TRIP11: variants seen among roughly 807,000 people sequenced by gnomAD.
The protein encoded by TRIP11 is thyroid receptor-interacting protein 11.
In TRIP11, 148 loss-of-function variants were observed where a neutral mutation model predicts 223.1. The observed-to-expected ratio is 0.66, with a 90% CI of 0.58 to 0.76. TRIP11 has a LOEUF of 0.76. Ranked by LOEUF, TRIP11 falls within the 30% of genes least tolerant of loss-of-function variation. The pLI is 0.00. For synonymous variants in TRIP11, 762 were observed against 772.6 expected (o/e 0.99, Z 0.23); for missense variants, 2,043 against 2,222.0 (o/e 0.92, Z 1.62).
rs1277656538 is a variant in TRIP11, at chr14:91,974,703, G to A, written c.5498C>T (p.Thr1833Ile). ...TTTTGATCCTCCTCCAAGCCACCCA[G>A]TCATCCACCTGGTAACACCGCCCTG... is the stretch of plus-strand genomic sequence containing the variant. ...DDQGGVTRWM[T>I]GWLGGGSKSV... Residue 1833 changes from threonine (T) to isoleucine (I), a missense_variant, in exon 19 of 21, where the codon ACT becomes ATT. By Grantham distance (89) the Thr-to-Ile change is moderately conservative. Transcript: ENST00000267622. 1.2e-6 allele frequency: 2 copies of A among 1,612,656 alleles called. No homozygotes were observed. Among genetic ancestry groups the A allele is most frequent in the East Asian group, 2.2e-5 (1 of 44,824 alleles).
chr14:91,973,272 C>A (rs748316906), intron 19 of TRIP11, among the ~76,000 whole-genome samples: 2 of 152,156 alleles, frequency 1.3e-5, no homozygotes, highest in African/African-American at 4.8e-5. Flanking sequence ...GATCCGCCCA[C>A]CTCGGCCTCC....
intron 9 of TRIP11, among the ~76,000 whole-genome samples, chr14:92,010,318 G>T (rs1292823297): frequency 1.3e-5 from 2 of 152,112 alleles, no homozygotes; most frequent in African/African-American, 2.4e-5. Context: ...ATCACCTGAG[G>T]TCGGGAGTTT....
chr14:91,991,641 G>C (rs1361634236), intron 15 of TRIP11, among the ~76,000 whole-genome samples: 1 of 152,162 alleles, frequency 6.6e-6, no homozygotes, highest in African/African-American at 2.4e-5. Context: ...TGTATGTTTA[G>C]AAGATATCTG....
At position 92,003,602 on chromosome 14, in the gene TRIP11, A is replaced by C. The variant is rs774210727; in HGVS notation, c.4374T>G (p.Ile1458Met). Residue 1458 changes from isoleucine to methionine, a missense_variant, in exon 11 of 21, where the codon ATT becomes ATG. Ile to Met is a conservative substitution (Grantham distance 10, BLOSUM62 1). Transcript: ENST00000267622. Reference sequence around the variant, plus strand: ...TTTCATTTTCTCCTTTTAGTTTGCCAATGTCCATCTCTAGAATTAATATTC... The same window carrying C: ...TTTCATTTTCTCCTTTTAGTTTGCCCATGTCCATCTCTAGAATTAATATTC... ...KERILILEMD[I>M]GKLKGENEKI... 3 of 1,614,084 alleles carry C rather than the reference A, an allele frequency of 1.9e-6. No individual in the cohort carries two copies. In the South Asian group the frequency reaches 3.3e-5, roughly 18 times the overall value.
chr14:91,977,092 C>T, intron 16 of TRIP11: 2 of 327,402 alleles, frequency 6.1e-6, no homozygotes, highest in South Asian at 5.0e-5. Context: ...TATCTAGAAA[C>T]ATTCACATCC....
Position 91,998,067 on chromosome 14 carries a change from G to T in TRIP11, c.4892+1173C>A, listed in dbSNP as rs891921404. Among the ~76,000 whole-genome samples, 13 of 152,082 alleles carry T rather than the reference G, an allele frequency of 8.5e-5. No homozygotes were observed. The South Asian group carries it at 2.5e-3, about 29-fold the overall frequency. On this transcript the variant is annotated intron_variant, in intron 13 of 20. Transcript: ENST00000267622. ...TATAATAATATACTCTGCAAAGGTG[G>T]GGTAGGGGTTAATTCGCAGGAATAT...
intron 1 of TRIP11, among the ~76,000 whole-genome samples, chr14:92,036,615 T>C (rs2057328151): frequency 6.6e-6 from 1 of 152,258 alleles, no homozygotes. Flanking sequence ...ATTGTAAATA[T>C]GGATGGCTTT....
intron 6 of TRIP11, 138 bp from the exon 7 acceptor site, chr14:92,014,715 T>G (rs2057014508): frequency 1.1e-6 from 1 of 896,430 alleles, no homozygotes; most frequent in Admixed American, 3.4e-5. Context: ...AAACTAAGTG[T>G]TTTAAAATAA....
At chr14:92,019,937 C>T (rs1312499637) in intron 4 of TRIP11, among the ~76,000 whole-genome samples, 2 of 152,094 alleles carry the variant, frequency 1.3e-5, no homozygotes, top group Non-Finnish European at 2.9e-5. Flanking sequence ...ACCTGGGTCC[C>T]ATCCTCAAGA....
Position 91,975,164 on chromosome 14 carries a change from C to T in TRIP11, c.5457+8G>A. The stretch of plus-strand genomic sequence containing the variant: ...AATGTGTTCAGATGGCTTTCATCGT[C>T]CAGTCACCTGCTCCATCTCCTCCCT... On this transcript the variant is annotated splice_region_variant and intron_variant, in intron 18 of 20. Coordinates refer to ENST00000267622, the MANE Select transcript of TRIP11 (RefSeq NM_004239.4). The T allele has an allele frequency of 6.2e-7, 1 of 1,610,028 alleles. No individual in the cohort carries two copies. Among genetic ancestry groups the T allele is most frequent in the South Asian group, 1.1e-5 (1 of 90,986 alleles).
Position 92,003,970 on chromosome 14 carries a change from C to G in TRIP11, c.4006G>C (p.Glu1336Gln), listed in dbSNP as rs1301603833. The G allele has an allele frequency of 1.2e-5, 20 of 1,614,070 alleles. 1 individual carries two copies. The South Asian group carries it at 1.8e-4, about 14-fold the overall frequency. ...AATTCAGAAGATTCACTCAATACTT[C>G]AGACTTACTTGCTCTAAGACACTCT... ...SAECLRASKS[E>Q]VLSESSELLQ... Residue 1336 changes from glutamate to glutamine, a missense_variant, in exon 11 of 21, where the codon GAA becomes CAA. Physicochemically the swap from Glu to Gln is conservative, Grantham distance 29 (BLOSUM62 2). Coordinates refer to ENST00000267622, the MANE Select transcript of TRIP11 (RefSeq NM_004239.4).
At chr14:91,974,785 G>T in intron 18 of TRIP11, 42 bp from the exon 19 acceptor site, 2 of 1,061,640 alleles carry the variant, frequency 1.9e-6, no homozygotes, top group East Asian at 3.2e-5. Context: ...ATCAGTACAA[G>T]AAAAAAAAAA....
intron 15 of TRIP11, among the ~76,000 whole-genome samples, chr14:91,989,841 C>T (rs1356672891): frequency 6.6e-6 from 1 of 152,076 alleles, no homozygotes; most frequent in Non-Finnish European, 1.5e-5. Context: ...TTAGCCTTCC[C>T]CCTAAAAAAG....
chr14:91,984,842 C>T (rs1426208833), intron 16 of TRIP11, among the ~76,000 whole-genome samples: 1 of 152,128 alleles, frequency 6.6e-6, no homozygotes, highest in East Asian at 1.9e-4. Context: ...GGCCACTCTA[C>T]TGAGTTTGGA....
At chr14:91,983,761 C>G (rs1327066867) in intron 16 of TRIP11, among the ~76,000 whole-genome samples, 1 of 152,112 alleles carries the variant, frequency 6.6e-6, no homozygotes, top group African/African-American at 2.4e-5. Context: ...AAAGAAATCT[C>G]TCAAAAGGTT....
intron 17 of TRIP11, among the ~76,000 whole-genome samples, chr14:91,975,876 T>C (rs1034075400): frequency 3.8e-4 from 58 of 152,148 alleles, no homozygotes; most frequent in African/African-American, 1.4e-3. Flanking sequence ...TTAGCTCTTC[T>C]ATATGGTTTT....
rs10142576 is a variant in TRIP11 at position 91,968,613 on chromosome 14, G to A, written c.*1060C>T. The A allele has an allele frequency of 0.63, 137,761 of 220,372 alleles. 45,422 individuals carry two copies. Among genetic ancestry groups the A allele is most frequent in the African/African-American group, 0.89 (39,539 of 44,584 alleles). 13.7% of individuals were successfully genotyped at this position (220,372 alleles called of 1,614,324 possible). On this transcript the variant is annotated 3_prime_UTR_variant, in exon 21 of 21. Coordinates refer to ENST00000267622, the MANE Select transcript of TRIP11 (RefSeq NM_004239.4). ...TTGTGTAACATTTAGTTTTAAGATG[G>A]TATCTTTAAATAGATACCTTAGCTG...
At chr14:91,993,734 T>C (rs186214567) in intron 15 of TRIP11, 75 bp downstream of exon 15, 241 of 1,216,454 alleles carry the variant, frequency 2.0e-4, no homozygotes, top group Non-Finnish European at 2.0e-5. Context: ...TAGGAGATTA[T>C]TTCCAAGACA....
At chr14:92,039,241 G>A (rs1394812955) in intron 1 of TRIP11, among the ~76,000 whole-genome samples, 1 of 152,194 alleles carries the variant, frequency 6.6e-6, no homozygotes, top group African/African-American at 2.4e-5. Context: ...TGAGGGCAAA[G>A]TGGTGGGCGT....
Sources: gnomAD v4.1 joint callset for allele counts (sites outside exome capture counted in the v4.1 genomes callset) on GRCh38, gnomAD v4.1.1 for gene constraint, MANE v1.5 for transcripts, NCBI Gene and HGNC (gene_info 2026-07-23, HGNC 2026-07-21) for gene names.